CHRM3: variants seen among roughly 807,000 people sequenced by gnomAD.
The protein encoded by CHRM3 is muscarinic acetylcholine receptor M3.
A neutral mutation model predicts 41.8 loss-of-function variants in CHRM3; 11 were observed. That is an observed-to-expected ratio of 0.26 (90% CI 0.17 to 0.44). The LOEUF (loss-of-function observed/expected upper bound fraction) is 0.44, where lower values mean the gene tolerates loss of function less well. CHRM3 is among the 20% of genes least tolerant of loss of function. The pLI, the probability that CHRM3 is intolerant of heterozygous loss-of-function variation, is 1.00. For synonymous variants in CHRM3, 297 were observed against 301.4 expected (o/e 0.99, Z 0.15); for missense variants, 571 against 745.4 (o/e 0.77, Z 2.72).
chr1:239,591,638 A>G (rs1329466262), intron 3 of CHRM3, among the ~76,000 whole-genome samples: 1 of 152,142 alleles, frequency 6.6e-6, no homozygotes, highest in Non-Finnish European at 1.5e-5. Context: ...ATTACTCTGA[A>G]CTAAGATTCG....
chr1:239,783,824 T>C (rs1438451728), intron 5 of CHRM3, among the ~76,000 whole-genome samples: 1 of 152,164 alleles, frequency 6.6e-6, no homozygotes, highest in Non-Finnish European at 1.5e-5. Flanking sequence ...GTGAGGACGG[T>C]ACTTGATAGG....
chr1:239,447,648 T>C (rs1160602745), intron 1 of CHRM3, among the ~76,000 whole-genome samples: 1 of 152,134 alleles, frequency 6.6e-6, no homozygotes, highest in African/African-American at 2.4e-5. Flanking sequence ...TGGTGGCACA[T>C]GCCTGTAATC....
chr1:239,821,625 A>G (rs1934349), intron 5 of CHRM3, among the ~76,000 whole-genome samples: 101,232 of 152,068 alleles, frequency 0.67, 34,478 homozygotes, highest in East Asian at 0.86. Flanking sequence ...TCAACACACA[A>G]TCCCTTTTGG....
chr1:239,889,502 A>G (rs1678364781), intron 6 of CHRM3, among the ~76,000 whole-genome samples: 1 of 152,122 alleles, frequency 6.6e-6, no homozygotes, highest in Non-Finnish European at 1.5e-5. Context: ...ACAAGCTTCC[A>G]GCTTGCTTAT....
chr1:239,400,808 G>T (rs1216389732), intron 1 of CHRM3, among the ~76,000 whole-genome samples: 5 of 152,084 alleles, frequency 3.3e-5, no homozygotes, highest in African/African-American at 1.2e-4. Flanking sequence ...ATTGGTCTGT[G>T]TGTGTGTGTT....
At chr1:239,408,465 A>G (rs1181931650) in intron 1 of CHRM3, among the ~76,000 whole-genome samples, 1 of 145,744 alleles carries the variant, frequency 6.9e-6, no homozygotes, top group African/African-American at 2.5e-5. Flanking sequence ...CGGAGCTTGC[A>G]GTGAGCCAAG....
chr1:239,901,419 C>T (rs2103015606), intron 6 of CHRM3, among the ~76,000 whole-genome samples: 1 of 152,066 alleles, frequency 6.6e-6, no homozygotes, highest in South Asian at 2.1e-4. Flanking sequence ...TTATCTTCCT[C>T]CTCCAAAATA....
At chr1:239,663,712 C>T (rs1447441961) in intron 4 of CHRM3, among the ~76,000 whole-genome samples, 1 of 152,194 alleles carries the variant, frequency 6.6e-6, no homozygotes, top group Non-Finnish European at 1.5e-5. Flanking sequence ...TAAATACATG[C>T]ATTTTGCACT....
At position 239,641,960 on chromosome 1, in the gene CHRM3, G is replaced by A; in HGVS notation, c.-250+9674G>A. The stretch of plus-strand genomic sequence containing the variant: ...TCAGGAGCTCTTTTAGGGCAGGCCT[G>A]GTGGTGACAAAATCTCTCAGCATTT... On this transcript the variant is annotated intron_variant, in intron 4 of 6. Coordinates refer to ENST00000676153, the MANE Select transcript of CHRM3 (RefSeq NM_001375978.1). Among the ~76,000 whole-genome samples the A allele has an allele frequency of 1.6e-5, 2 of 127,004 alleles. 1 individual carries two copies. The highest frequency in any genetic ancestry group is 5.4e-4 in the South Asian group (2 of 3,698). 83.3% of individuals were successfully genotyped at this position (127,004 alleles called of 152,430 possible). A position where few individuals can be genotyped will look rare whatever the true frequency, so the allele number is the denominator to read the frequency against.
At chr1:239,674,252 G>A (rs944189338) in intron 4 of CHRM3, among the ~76,000 whole-genome samples, 4 of 152,116 alleles carry the variant, frequency 2.6e-5, no homozygotes, top group African/African-American at 9.7e-5. Context: ...CTTAATATAG[G>A]TATGGGTCAG....
At chr1:239,675,346 T>C (rs190121050) in intron 4 of CHRM3, among the ~76,000 whole-genome samples, 13 of 152,382 alleles carry the variant, frequency 8.5e-5, no homozygotes, top group African/African-American at 3.1e-4. Flanking sequence ...TCTGCTTCTT[T>C]GTCTTGGTTT....
intron 1 of CHRM3, among the ~76,000 whole-genome samples, chr1:239,399,739 T>TCTTCTGTTGATAGACACTTATG (rs1659806792): frequency 6.6e-6 from 1 of 152,174 alleles, no homozygotes; most frequent in Non-Finnish European, 1.5e-5. Context: ...CTTTCTCCAT[T>TCTTCTGTTGATAGACACTTATG]CTTCTGTTGA....
chr1:239,766,089 C>G (rs549366954), intron 5 of CHRM3, among the ~76,000 whole-genome samples: 1 of 152,236 alleles, frequency 6.6e-6, no homozygotes, highest in South Asian at 2.1e-4. Flanking sequence ...GCTGGGATTA[C>G]AGGCATGAGA....
rs188904252 is a variant in CHRM3 at position 239,887,356 on chromosome 1, C to T, written c.-19-20077C>T. Among the ~76,000 whole-genome samples, 1,203 of 152,242 alleles carry T rather than the reference C, an allele frequency of 7.9e-3. 58 individuals are homozygous for T. The highest frequency in any genetic ancestry group is 0.072 in the Admixed American group (1,101 of 15,294). On this transcript the variant is annotated intron_variant, in intron 6 of 6. Coordinates refer to ENST00000676153, the MANE Select transcript of CHRM3 (RefSeq NM_001375978.1). ...AGGTGGGATTATAGGCACCCGCCACCATGCATGGATAATTTTTGTATTTCT... is the reference window on the plus strand; with the variant it reads ...AGGTGGGATTATAGGCACCCGCCACTATGCATGGATAATTTTTGTATTTCT...
intron 5 of CHRM3, among the ~76,000 whole-genome samples, chr1:239,711,336 C>T (rs1176667755): frequency 6.6e-6 from 1 of 152,006 alleles, no homozygotes; most frequent in Non-Finnish European, 1.5e-5. Flanking sequence ...AAGTCTTGAA[C>T]ATTACTCAGA....
rs560438129 is a variant in CHRM3 at position 239,422,965 on chromosome 1, G to C, written c.-521+35738G>C. On this transcript the variant is annotated intron_variant, in intron 1 of 6. Coordinates refer to ENST00000676153, the MANE Select transcript of CHRM3 (RefSeq NM_001375978.1). ...GGAAGGAAATAAAAGAATGATAGGAGAGGGCGGGCTTCAAAGATCCTAAGT... is the reference window on the plus strand; with the variant it reads ...GGAAGGAAATAAAAGAATGATAGGACAGGGCGGGCTTCAAAGATCCTAAGT... Among the ~76,000 whole-genome samples, 16 of 152,246 alleles carry C rather than the reference G, an allele frequency of 1.1e-4. No individual in the cohort carries two copies. The South Asian group carries it at 3.3e-3, about 32-fold the overall frequency.
chr1:239,596,693 T>C (rs1158219607), intron 3 of CHRM3, among the ~76,000 whole-genome samples: 1 of 152,212 alleles, frequency 6.6e-6, no homozygotes, highest in Non-Finnish European at 1.5e-5. Context: ...TGCTTTCTTG[T>C]AGCAATGTAT....
intron 5 of CHRM3, among the ~76,000 whole-genome samples, chr1:239,691,835 A>G (rs1215846832): frequency 6.6e-6 from 1 of 152,192 alleles, no homozygotes; most frequent in Non-Finnish European, 1.5e-5. Context: ...AAGGCTTACA[A>G]GCTCCAAAGG....
chr1:239,832,517 GT>G (rs1672975558), intron 6 of CHRM3, among the ~76,000 whole-genome samples: 1 of 152,028 alleles, frequency 6.6e-6, no homozygotes, highest in East Asian at 1.9e-4. Flanking sequence ...CCGGGAAGGG[GT>G]CCTGATCCAG....
Sources: allele counts gnomAD v4.1 joint callset (sites outside exome capture counted in the v4.1 genomes callset), GRCh38; gene constraint gnomAD v4.1.1; transcripts MANE v1.5; gene names NCBI Gene and HGNC (gene_info 2026-07-23, HGNC 2026-07-21).